The following CEP78 variants were observed in gnomAD, a reference collection of about 807,000 sequenced individuals.
CEP78 encodes the protein centrosomal protein 78, also known as centrosomal protein of 78 kDa.
In CEP78, 76 loss-of-function variants were observed where a neutral mutation model predicts 81.2. That is an observed-to-expected ratio of 0.94 (90% CI 0.78 to 1.13). The LOEUF (loss-of-function observed/expected upper bound fraction) is 1.13, where lower values mean the gene tolerates loss of function less well. CEP78 is among the 50% of genes most tolerant of loss of function. The probability of loss-of-function intolerance (pLI) is 0.00; values close to 1 mark genes in which losing one functional copy is unlikely to be tolerated. For synonymous variants in CEP78, 293 were observed against 301.4 expected (o/e 0.97, Z 0.29); for missense variants, 918 against 846.8 (o/e 1.08, Z -1.04).
At position 78,246,764 on chromosome 9, in the gene CEP78, A is replaced by G; in HGVS notation, c.874A>G (p.Arg292Gly). 1.9e-6 allele frequency: 3 copies of G among 1,594,794 alleles called. No homozygotes were observed. The highest frequency in any genetic ancestry group is 2.6e-6 in the Non-Finnish European group (3 of 1,170,604). Reference protein sequence around the residue: ...TNTTLVVLDIRKNPLIDHSMM... With the variant: ...TNTTLVVLDIGKNPLIDHSMM... ...TACAACTCTGGTCGTTCTGGATATA[A>G]GAAAAAATCCACTCATTGGTATGTC... is the stretch of plus-strand genomic sequence containing the variant. The change falls in exon 6 of 17, where the codon AGA becomes GGA. Residue 292 changes from arginine to glycine, a missense_variant. Arg to Gly is a moderately radical substitution (Grantham distance 125). Coordinates refer to ENST00000643273, the MANE Select transcript of CEP78 (RefSeq NM_001330691.3).
Position 78,236,199 on chromosome 9 carries a change from C to T in CEP78, c.-152C>T. 1 of 673,136 alleles carries T rather than the reference C, an allele frequency of 1.5e-6. No individual in the cohort carries two copies. Among genetic ancestry groups the T allele is most frequent in the Non-Finnish European group, 2.4e-6 (1 of 414,504 alleles). 41.7% of individuals were successfully genotyped at this position (673,136 alleles called of 1,614,324 possible). On this transcript the variant is annotated 5_prime_UTR_variant, in exon 1 of 17. Transcript: ENST00000643273. Reference sequence around the variant, plus strand: ...CTAGCTTGGGGCTCTGGCCTTGCGTCTTCCGACCGAATCACCGCTCCTGAG... The same window carrying T: ...CTAGCTTGGGGCTCTGGCCTTGCGTTTTCCGACCGAATCACCGCTCCTGAG...
chr9:78,242,306 A>T (rs1254422069), intron 4 of CEP78, among the ~76,000 whole-genome samples: 1 of 152,198 alleles, frequency 6.6e-6, no homozygotes, highest in Non-Finnish European at 1.5e-5. Flanking sequence ...TTGCAAAAGA[A>T]ACTATATGAC....
intron 13 of CEP78, 31 bp downstream of exon 13, chr9:78,264,347 C>G: frequency 6.3e-7 from 1 of 1,597,536 alleles, no homozygotes; most frequent in South Asian, 1.1e-5. Flanking sequence ...GACATTCGTC[C>G]CTCCATGACT....
rs1471446569 is a variant in CEP78, at chr9:78,273,990, C to A, written c.*3139C>A. Reference sequence around the variant, plus strand: ...GTCACTCAAAACAGTTTGGCAGATTCTTTAAATGCTAACATACACATACCA... The same window carrying A: ...GTCACTCAAAACAGTTTGGCAGATTATTTAAATGCTAACATACACATACCA... On this transcript the variant is annotated 3_prime_UTR_variant, in exon 17 of 17. Transcript: ENST00000643273. The A allele has an allele frequency of 6.6e-6, 1 of 152,214 alleles. No homozygotes were observed. The highest frequency in any genetic ancestry group is 2.4e-5 in the African/African-American group (1 of 41,456). 9.4% of individuals were successfully genotyped at this position (152,214 alleles called of 1,614,324 possible).
intron 12 of CEP78, among the ~76,000 whole-genome samples, chr9:78,263,852 A>G (rs1033825141): frequency 6.6e-6 from 1 of 152,140 alleles, no homozygotes; most frequent in Admixed American, 6.5e-5. Context: ...AATTTAAGGG[A>G]AACCTTAAAC....
rs1827857479 is a variant in CEP78 at position 78,279,066 on chromosome 9, G to GATAAA, written c.*8216_*8217insTAAAA. ...TGTACATTTTAAACCACTGTGAACT[G>GATAAA]AAAAAAAAAAAAAAGGCAACCTTGG... is the stretch of plus-strand genomic sequence containing the variant. On this transcript the variant is annotated 3_prime_UTR_variant, in exon 17 of 17. Coordinates refer to ENST00000643273, the MANE Select transcript of CEP78 (RefSeq NM_001330691.3). The GATAAA allele has an allele frequency of 8.2e-6, 1 of 121,634 alleles. No homozygotes were observed. 7.5% of individuals were successfully genotyped at this position (121,634 alleles called of 1,614,324 possible).
chr9:78,268,629 G>A (rs74772121), intron 16 of CEP78, among the ~76,000 whole-genome samples: 1 of 151,128 alleles, frequency 6.6e-6, no homozygotes, highest in Non-Finnish European at 1.5e-5. Context: ...ATAATTTTTA[G>A]ACAAACATAA....
intron 6 of CEP78, among the ~76,000 whole-genome samples, chr9:78,247,846 A>G (rs1232170390): frequency 6.6e-6 from 1 of 152,192 alleles, no homozygotes; most frequent in Non-Finnish European, 1.5e-5. Flanking sequence ...ATTTTTTTAA[A>G]AAGTCCTAGG....
At position 78,254,666 on chromosome 9, in the gene CEP78, GAATAA is replaced by G. The variant is rs145183550; in HGVS notation, c.1252-169_1252-165del. The G allele has an allele frequency of 4.8e-3, 1,674 of 348,502 alleles. 21 individuals are homozygous for G. Among genetic ancestry groups the G allele is most frequent in the African/African-American group, 0.033 (1,539 of 47,140 alleles). The allele number at this position is 348,502 out of a possible 1,614,324, so 21.6% of individuals were successfully genotyped here. On this transcript the variant is annotated intron_variant, in intron 10 of 16. Coordinates refer to ENST00000643273, the MANE Select transcript of CEP78 (RefSeq NM_001330691.3). ...GAGAATTATTTCAGTGACATAGCAA[GAATAA>G]GTTAGTGTCTTTTTACTTTGTTATT...
chr9:78,236,761 G>T, intron 1 of CEP78, 158 bp downstream of exon 1: 1 of 885,722 alleles, frequency 1.1e-6, no homozygotes, highest in Non-Finnish European at 1.6e-6. Context: ...GGGCTTCAGT[G>T]TGCTCATCCG....
In CEP78 at chr9:78,279,264, A is replaced by G. The variant is rs1194053767; in HGVS notation, c.*8413A>G. ...TAAGAAAACAAGAAAACTCCACAAA[A>G]TCTTGAAAGCTAGATAATCCTAGCT... On this transcript the variant is annotated 3_prime_UTR_variant, in exon 17 of 17. Transcript: ENST00000643273. 1 of 152,188 alleles carries G rather than the reference A, an allele frequency of 6.6e-6. No individual in the cohort carries two copies. The highest frequency in any genetic ancestry group is 6.5e-5 in the Admixed American group (1 of 15,282). The allele number at this position is 152,188 out of a possible 1,614,324, so 9.4% of individuals were successfully genotyped here.
intron 5 of CEP78, among the ~76,000 whole-genome samples, chr9:78,245,463 T>TAA (rs537953042): frequency 1.4e-4 from 22 of 152,282 alleles, no homozygotes; most frequent in Admixed American, 1.3e-3. Flanking sequence ...CAACTAAACC[T>TAA]AATTACCTCT....
intron 16 of CEP78, among the ~76,000 whole-genome samples, chr9:78,267,981 A>T (rs1827603914): frequency 6.6e-6 from 1 of 152,058 alleles, no homozygotes; most frequent in African/African-American, 2.4e-5. Context: ...GGATTGACTT[A>T]TGGGAATGAA....
Position 78,276,892 on chromosome 9 carries a change from A to G in CEP78, c.*6041A>G, listed in dbSNP as rs983687102. On this transcript the variant is annotated 3_prime_UTR_variant, in exon 17 of 17. Transcript: ENST00000643273. ...CAGTAAAGCTTTTTAAATGGATGTA[A>G]TAACCTGATTATAACATTAATCTGA... 2.6e-5 allele frequency: 4 copies of G among 152,226 alleles called. No individual in the cohort carries two copies. The highest frequency in any genetic ancestry group is 6.5e-5 in the Admixed American group (1 of 15,288). The allele number at this position is 152,226 out of a possible 1,614,324, so 9.4% of individuals were successfully genotyped here.
chr9:78,246,026 C>G (rs1826462223), intron 5 of CEP78, among the ~76,000 whole-genome samples: 1 of 152,112 alleles, frequency 6.6e-6, no homozygotes, highest in South Asian at 2.1e-4. Context: ...TACACTGCCA[C>G]TAGCATCCTT....
At position 78,236,079 on chromosome 9, in the gene CEP78, T is replaced by G; in HGVS notation, c.-272T>G. 2.1e-6 allele frequency: 1 copy of G among 477,926 alleles called. No homozygotes were observed. The highest frequency in any genetic ancestry group is 2.6e-5 in the South Asian group (1 of 37,806). 29.6% of individuals were successfully genotyped at this position (477,926 alleles called of 1,614,324 possible). A position where few individuals can be genotyped will look rare whatever the true frequency, so the allele number is the denominator to read the frequency against. ...CGTTCCACGGCACCGCCCACCGGCT[T>G]GAATCCCGGCGCCTCAGAGGACTAT... On this transcript the variant is annotated 5_prime_UTR_variant, in exon 1 of 17. Transcript: ENST00000643273.
At position 78,257,353 on chromosome 9, in the gene CEP78, A is replaced by G. The variant is rs187137361; in HGVS notation, c.1380+2389A>G. The stretch of plus-strand genomic sequence containing the variant: ...AGATTCCCATCCAGCCAAACTGTCA[A>G]TCTAAGTGGGGGCTGAATAGGACAT... On this transcript the variant is annotated intron_variant, in intron 11 of 16. Transcript: ENST00000643273. 2.3e-3 allele frequency among the ~76,000 whole-genome samples: 349 copies of G among 152,318 alleles called. 2 individuals carry two copies. The highest frequency in any genetic ancestry group is 3.1e-3 in the Admixed American group (47 of 15,298).
At chr9:78,256,878 G>A (rs575782053) in intron 11 of CEP78, among the ~76,000 whole-genome samples, 2 of 152,094 alleles carry the variant, frequency 1.3e-5, no homozygotes, top group Admixed American at 1.3e-4. Flanking sequence ...AAAAGAAATA[G>A]GGTGTTGTTT....
chr9:78,249,130 G>A (rs1053963612), intron 8 of CEP78: 8 of 180,286 alleles, frequency 4.4e-5, no homozygotes, highest in Non-Finnish European at 9.2e-5. Context: ...TCATCATTTT[G>A]GATATGTTTT....
Sources: allele counts gnomAD v4.1 joint callset (sites outside exome capture counted in the v4.1 genomes callset), GRCh38; gene constraint gnomAD v4.1.1; transcripts MANE v1.5; gene names NCBI Gene and HGNC (gene_info 2026-07-23, HGNC 2026-07-21).